Variants in CDH4 observed in about 807,000 individuals in gnomAD.
The protein encoded by CDH4 is cadherin-4.
A neutral mutation model predicts 86.0 loss-of-function variants in CDH4; 33 were observed. The observed-to-expected ratio is 0.38, with a 90% CI of 0.29 to 0.51. The LOEUF (loss-of-function observed/expected upper bound fraction) is 0.51. CDH4 is among the 20% of genes least tolerant of loss of function. CDH4 has a pLI of 0.86. For synonymous variants in CDH4, 555 were observed against 549.4 expected (o/e 1.01, Z -0.14); for missense variants, 1,114 against 1,307.4 (o/e 0.85, Z 2.28).
intron 2 of CDH4, among the ~76,000 whole-genome samples, chr20:61,622,180 G>A (rs1568718176): frequency 6.6e-6 from 1 of 152,234 alleles, no homozygotes; most frequent in African/African-American, 2.4e-5. Flanking sequence ...CTGTAACTGC[G>A]AAACGCAGAC....
intron 2 of CDH4, among the ~76,000 whole-genome samples, chr20:61,394,552 C>T (rs1305276199): frequency 1.3e-5 from 2 of 151,994 alleles, no homozygotes; most frequent in African/African-American, 4.8e-5. Flanking sequence ...TGACAGGTAG[C>T]ACTTGTCCTT....
At chr20:61,330,503 A>T (rs555202699) in intron 2 of CDH4, among the ~76,000 whole-genome samples, 3 of 152,292 alleles carry the variant, frequency 2.0e-5, no homozygotes, top group South Asian at 2.1e-4. Context: ...TGATGGTTTG[A>T]TTGTCACCAG....
intron 2 of CDH4, among the ~76,000 whole-genome samples, chr20:61,734,081 C>T (rs1321795842): frequency 1.3e-5 from 2 of 152,204 alleles, no homozygotes; most frequent in Non-Finnish European, 2.9e-5. Flanking sequence ...AACCCGGAAG[C>T]CTCCTAATGA....
intron 2 of CDH4, among the ~76,000 whole-genome samples, chr20:61,442,409 T>G (rs910942274): frequency 7.7e-6 from 1 of 129,538 alleles, no homozygotes; most frequent in Non-Finnish European, 1.7e-5. Context: ...TCGCTTATGC[T>G]CATCATCTGC....
chr20:61,611,370 C>T (rs1256256978), intron 2 of CDH4, among the ~76,000 whole-genome samples: 1 of 152,052 alleles, frequency 6.6e-6, no homozygotes, highest in Non-Finnish European at 1.5e-5. Context: ...CTTGTGAAAT[C>T]CCAGGGCTCT....
intron 2 of CDH4, among the ~76,000 whole-genome samples, chr20:61,268,436 A>C (rs2084168093): frequency 6.6e-6 from 1 of 152,234 alleles, no homozygotes; most frequent in African/African-American, 2.4e-5. Flanking sequence ...CTTTTTCCTG[A>C]TGCCGGGTTG....
At chr20:61,861,187 G>A (rs747595235) in intron 6 of CDH4, among the ~76,000 whole-genome samples, 1 of 152,220 alleles carries the variant, frequency 6.6e-6, no homozygotes, top group Non-Finnish European at 1.5e-5. Flanking sequence ...GCACCCAGGG[G>A]CAGGGCCAGC....
intron 2 of CDH4, among the ~76,000 whole-genome samples, chr20:61,270,668 A>G (rs2123137176): frequency 6.6e-6 from 1 of 152,336 alleles, no homozygotes; most frequent in South Asian, 2.1e-4. Context: ...ATCCTGGCTA[A>G]TAAAAATAGC....
chr20:61,465,154 T>C lies in CDH4; in HGVS notation c.169+210217T>C, dbSNP rs555876682. Reference sequence around the variant, plus strand: ...AAGGGCAAGGTATTGTGTATCTTTCTGTCCCTCTGGGAACAAGGAAGGGAT... The same window carrying C: ...AAGGGCAAGGTATTGTGTATCTTTCCGTCCCTCTGGGAACAAGGAAGGGAT... On this transcript the variant is annotated intron_variant, in intron 2 of 15. Coordinates refer to ENST00000614565, the MANE Select transcript of CDH4 (RefSeq NM_001794.5). Among the ~76,000 whole-genome samples, 5 of 152,340 alleles carry C rather than the reference T, an allele frequency of 3.3e-5. No homozygotes were observed. In the South Asian group the frequency reaches 1.0e-3, roughly 32 times the overall value.
In CDH4 at chr20:61,873,807, G is replaced by A. The variant is rs1387645047; in HGVS notation, c.957G>A (p.Val319=). 6.2e-7 allele frequency: 1 copy of A among 1,614,094 alleles called. No individual in the cohort carries two copies. Residue 319 remains valine (V), a synonymous_variant, in exon 7 of 16, where the codon GTG becomes GTA. Coordinates refer to ENST00000614565, the MANE Select transcript of CDH4 (RefSeq NM_001794.5). ...ACGGGATGGTGCGGTACCGGATCGT[G>A]ACCCAGACCCCACAGAGCCCGTCCC... ...TANGMVRYRI[V]TQTPQSPSQN...
chr20:61,882,687 A>G (rs1466626822), intron 7 of CDH4, among the ~76,000 whole-genome samples: 2 of 152,186 alleles, frequency 1.3e-5, no homozygotes, highest in Non-Finnish European at 2.9e-5. Flanking sequence ...TACTTCCTCT[A>G]GGTCTATCAA....
intron 7 of CDH4, among the ~76,000 whole-genome samples, chr20:61,875,885 G>A (rs1984000185): frequency 6.6e-6 from 1 of 152,120 alleles, no homozygotes; most frequent in Non-Finnish European, 1.5e-5. Context: ...CTGTAGCCTG[G>A]GGTCCCCCGC....
At chr20:61,806,997 G>A (rs923498301) in intron 4 of CDH4, among the ~76,000 whole-genome samples, 8 of 152,194 alleles carry the variant, frequency 5.3e-5, no homozygotes, top group Admixed American at 2.0e-4. Context: ...TTTGACAGGG[G>A]ATCTTTTTTT....
At chr20:61,931,325 C>T (rs558145769) in intron 13 of CDH4, among the ~76,000 whole-genome samples, 102 of 152,374 alleles carry the variant, frequency 6.7e-4, no homozygotes, top group African/African-American at 1.9e-3. Flanking sequence ...TCCCTCTCCA[C>T]GATCTGGGCC....
At position 61,451,130 on chromosome 20, in the gene CDH4, C is replaced by G. The variant is rs535326447; in HGVS notation, c.169+196193C>G. 6.0e-4 allele frequency among the ~76,000 whole-genome samples: 24 copies of G among 39,904 alleles called. No homozygotes were observed. The Admixed American group carries it at 6.8e-3, about 11-fold the overall frequency. The allele number at this position is 39,904 out of a possible 152,430, so 26.2% of individuals were successfully genotyped here. On this transcript the variant is annotated intron_variant, in intron 2 of 15. Transcript: ENST00000614565. Reference sequence around the variant, plus strand: ...TTTTCCCTCCCTCTCACGCCCCCCCCCTTCCCTCCGTGTCATCCTGCCACC... The same window carrying G: ...TTTTCCCTCCCTCTCACGCCCCCCCGCTTCCCTCCGTGTCATCCTGCCACC...
At chr20:61,704,221 C>T (rs1033448503) in intron 2 of CDH4, among the ~76,000 whole-genome samples, 1 of 152,108 alleles carries the variant, frequency 6.6e-6, no homozygotes, top group African/African-American at 2.4e-5. Context: ...TGTGTTGTCT[C>T]AAGGTGCTGC....
At chr20:61,567,494 C>A (rs576700559) in intron 2 of CDH4, among the ~76,000 whole-genome samples, 43 of 152,278 alleles carry the variant, frequency 2.8e-4, no homozygotes, top group African/African-American at 1.0e-3. Context: ...TAATTAACCC[C>A]ATTCAGGAGG....
At chr20:61,320,275 G>A (rs191893053) in intron 2 of CDH4, among the ~76,000 whole-genome samples, 10 of 152,206 alleles carry the variant, frequency 6.6e-5, no homozygotes, top group African/African-American at 2.4e-4. Context: ...TTTTTGTCAC[G>A]ATTGTTCATT....
At chr20:61,374,531 C>G (rs2084856442) in intron 2 of CDH4, among the ~76,000 whole-genome samples, 1 of 152,194 alleles carries the variant, frequency 6.6e-6, no homozygotes, top group African/African-American at 2.4e-5. Context: ...CAACAGTTTC[C>G]TCAGCTGTGA....
Sources: gnomAD v4.1 joint callset for allele counts (sites outside exome capture counted in the v4.1 genomes callset) on GRCh38, gnomAD v4.1.1 for gene constraint, MANE v1.5 for transcripts, NCBI Gene and HGNC (gene_info 2026-07-23, HGNC 2026-07-21) for gene names.